SH2D4B: variants seen among roughly 807,000 people sequenced by gnomAD.
The protein encoded by SH2D4B is SH2 domain containing 4B.
Under a neutral mutation model 61.5 loss-of-function variants are expected in SH2D4B, and 45 were observed. The ratio of observed to expected loss-of-function variants is 0.73; its 90% confidence interval spans 0.58 to 0.94. SH2D4B has a LOEUF of 0.94. SH2D4B is among the 40% of genes least tolerant of loss of function. The pLI is 0.00. For synonymous variants in SH2D4B, 224 were observed against 220.4 expected (o/e 1.02, Z -0.14); for missense variants, 572 against 574.2 (o/e 1.00, Z 0.04).
At chr10:80,604,967 G>A (rs989956143) in intron 5 of SH2D4B, among the ~76,000 whole-genome samples, 1 of 152,012 alleles carries the variant, frequency 6.6e-6, no homozygotes, top group Non-Finnish European at 1.5e-5. Context: ...CTAATTTTTT[G>A]TATTTTTAGT....
At chr10:80,615,106 A>C (rs1018029420) in intron 6 of SH2D4B, among the ~76,000 whole-genome samples, 2 of 152,202 alleles carry the variant, frequency 1.3e-5, no homozygotes, top group Non-Finnish European at 2.9e-5. Flanking sequence ...GACTGCATGC[A>C]CTGGGAGGGA....
intron 3 of SH2D4B, among the ~76,000 whole-genome samples, chr10:80,582,473 G>T (rs1366923619): frequency 6.6e-6 from 1 of 152,164 alleles, no homozygotes; most frequent in Non-Finnish European, 1.5e-5. Context: ...TCATCTGGTT[G>T]CTAGGCTACC....
In SH2D4B at chr10:80,539,530, C is replaced by CCGTT. The variant is rs2132098063; in HGVS notation, c.184+1016_184+1019dup. On this transcript the variant is annotated intron_variant, in intron 1 of 7. Coordinates refer to ENST00000646907, the MANE Select transcript of SH2D4B (RefSeq NM_001388272.1). The surrounding 1 kb of genome is among the most constrained non-coding windows in gnomAD (Gnocchi z 4.9). ...CTGGTCTTCACATGAGTGGCTCTCA[C>CCGTT]CGTTGGGAATGTCCTTCTGCCTTCA... Among the ~76,000 whole-genome samples, 1 of 152,360 alleles carries CCGTT rather than the reference C, an allele frequency of 6.6e-6. No homozygotes were observed. The highest frequency in any genetic ancestry group is 2.4e-5 in the African/African-American group (1 of 41,586).
chr10:80,588,867 A>G, intron 4 of SH2D4B, 90 bp downstream of exon 4: 1 of 1,488,792 alleles, frequency 6.7e-7, no homozygotes, highest in Non-Finnish European at 9.2e-7. Flanking sequence ...CGTCATTTCC[A>G]TTCGCTCACT....
chr10:80,588,805 G>A (rs769176299), intron 4 of SH2D4B, 28 bp downstream of exon 4: 7 of 1,612,414 alleles, frequency 4.3e-6, no homozygotes, highest in South Asian at 3.3e-5. Context: ...CTCAGGCAGG[G>A]AGACCAGTCC....
intron 6 of SH2D4B, among the ~76,000 whole-genome samples, chr10:80,628,998 C>T (rs1221844805): frequency 1.3e-5 from 2 of 149,236 alleles, no homozygotes; most frequent in African/African-American, 2.5e-5. Flanking sequence ...TCACTGCACC[C>T]CAGCCTGGGT....
chr10:80,630,119 A>T (rs181670746), intron 6 of SH2D4B, among the ~76,000 whole-genome samples: 1 of 147,296 alleles, frequency 6.8e-6, no homozygotes, highest in Non-Finnish European at 1.5e-5. Context: ...GGGAAGAAGG[A>T]TGATTGGTAA....
chr10:80,638,485 T>C (rs1349818976), intron 7 of SH2D4B, among the ~76,000 whole-genome samples: 1 of 152,124 alleles, frequency 6.6e-6, no homozygotes, highest in Non-Finnish European at 1.5e-5. Flanking sequence ...GTCTATTCAG[T>C]GATTCAACTT....
chr10:80,640,788 C>T (rs552092330), intron 7 of SH2D4B, among the ~76,000 whole-genome samples: 1 of 152,224 alleles, frequency 6.6e-6, no homozygotes, highest in Non-Finnish European at 1.5e-5. Flanking sequence ...AAGCCTACTT[C>T]TGTCAACTCG....
At chr10:80,570,481 A>G (rs937508227) in intron 2 of SH2D4B, among the ~76,000 whole-genome samples, 165 bp downstream of exon 2, 1 of 152,202 alleles carries the variant, frequency 6.6e-6, no homozygotes, top group Non-Finnish European at 1.5e-5. Flanking sequence ...CGGCCTCCCA[A>G]AGTGTTGGGA....
At chr10:80,622,853 G>A (rs141573775) in intron 6 of SH2D4B, among the ~76,000 whole-genome samples, 3 of 152,128 alleles carry the variant, frequency 2.0e-5, no homozygotes, top group Admixed American at 2.0e-4. Context: ...TTTGTATTTG[G>A]GGTTTTCTCG....
chr10:80,540,430 G>A (rs1277996094), intron 1 of SH2D4B, among the ~76,000 whole-genome samples: 2 of 152,132 alleles, frequency 1.3e-5, no homozygotes, highest in Non-Finnish European at 1.5e-5. Context: ...TGAGCTTTAC[G>A]TTGACTGGGT....
At chr10:80,630,732 G>A (rs944094189) in intron 6 of SH2D4B, among the ~76,000 whole-genome samples, 2 of 152,160 alleles carry the variant, frequency 1.3e-5, no homozygotes, top group Admixed American at 1.3e-4. Flanking sequence ...TGATTCTGGG[G>A]AGAGAAGAGG....
intron 5 of SH2D4B, among the ~76,000 whole-genome samples, chr10:80,608,938 G>A (rs990687624): frequency 2.0e-5 from 3 of 152,146 alleles, no homozygotes; most frequent in Non-Finnish European, 2.9e-5. Flanking sequence ...GAGCTAAGGA[G>A]GGGACAAGAC....
chr10:80,579,553 C>G (rs1842166003), intron 3 of SH2D4B, among the ~76,000 whole-genome samples: 1 of 152,038 alleles, frequency 6.6e-6, no homozygotes. Context: ...ACCCCGGGGT[C>G]CTGTGACCTT....
rs185739800 is a variant in SH2D4B at position 80,590,956 on chromosome 10, C to T, written c.643+2179C>T. ...TGGACATGCTACAACATGAATGGACCTTGAAAACATTGTGCTAAGTGAAGT... is the reference window on the plus strand; with the variant it reads ...TGGACATGCTACAACATGAATGGACTTTGAAAACATTGTGCTAAGTGAAGT... On this transcript the variant is annotated intron_variant, in intron 4 of 7. Coordinates refer to ENST00000646907, the MANE Select transcript of SH2D4B (RefSeq NM_001388272.1). 4.4e-3 allele frequency among the ~76,000 whole-genome samples: 670 copies of T among 151,042 alleles called. 34 individuals carry two copies. Among genetic ancestry groups the T allele is most frequent in the Admixed American group, 0.041 (631 of 15,242 alleles).
In SH2D4B at chr10:80,581,553, C is replaced by A. The variant is rs577714525; in HGVS notation, c.496-7077C>A. On this transcript the variant is annotated intron_variant, in intron 3 of 7. Coordinates refer to ENST00000646907, the MANE Select transcript of SH2D4B (RefSeq NM_001388272.1). ...GTCCTTATAAAAAGGGAGATTTGGA[C>A]ACAGACGGGCACACACTCAGAGGGA... 8.3e-3 allele frequency among the ~76,000 whole-genome samples: 1,258 copies of A among 152,242 alleles called. 15 individuals carry two copies. The highest frequency in any genetic ancestry group is 0.027 in the African/African-American group (1,106 of 41,522).
chr10:80,590,966 T>C (rs1842318287), intron 4 of SH2D4B, among the ~76,000 whole-genome samples: 1 of 150,660 alleles, frequency 6.6e-6, no homozygotes, highest in Non-Finnish European at 1.5e-5. Flanking sequence ...CTTGAAAACA[T>C]TGTGCTAAGT....
chr10:80,629,879 G>A (rs1001271305), intron 6 of SH2D4B, among the ~76,000 whole-genome samples: 2 of 152,242 alleles, frequency 1.3e-5, no homozygotes, highest in African/African-American at 4.8e-5. Context: ...AACAAGTCCC[G>A]GGTTATGATT....
Sources: gnomAD v4.1 joint callset for allele counts (sites outside exome capture counted in the v4.1 genomes callset) on GRCh38, gnomAD v4.1.1 for gene constraint, Gnocchi (gnomAD v3.1) non-coding constraint, MANE v1.5 for transcripts, NCBI Gene and HGNC (gene_info 2026-07-23, HGNC 2026-07-21) for gene names.